MYO1H: variants seen among roughly 807,000 people sequenced by gnomAD.
MYO1H encodes unconventional myosin-Ih.
MYO1H carries 118 observed loss-of-function variants against 149.3 expected under a neutral mutation model. That is an observed-to-expected ratio of 0.79 (90% CI 0.68 to 0.92). MYO1H has a LOEUF of 0.92. Ranked by LOEUF, MYO1H falls within the 40% of genes least tolerant of loss-of-function variation. The pLI is 0.00. For synonymous variants in MYO1H, 447 were observed against 465.2 expected (o/e 0.96, Z 0.50); for missense variants, 1,212 against 1,280.7 (o/e 0.95, Z 0.82).
chr12:109,409,433 G>A (rs545713486), intron 10 of MYO1H, 124 bp from the exon 11 acceptor site: 28 of 836,146 alleles, frequency 3.3e-5, no homozygotes, highest in South Asian at 1.9e-4. Flanking sequence ...AAGATTTTCC[G>A]CATTGTTGGA....
intron 16 of MYO1H, among the ~76,000 whole-genome samples, chr12:109,422,285 A>G (rs1328482101): frequency 6.6e-6 from 1 of 152,100 alleles, no homozygotes. Flanking sequence ...TGCCTTCCCA[A>G]ACTTTCTCTG....
intron 14 of MYO1H, among the ~76,000 whole-genome samples, chr12:109,412,874 C>T (rs910814720): frequency 6.6e-6 from 1 of 152,136 alleles, no homozygotes; most frequent in African/African-American, 2.4e-5. Flanking sequence ...CAACCTCCGC[C>T]TCCTGGGTTT....
At chr12:109,367,284 C>T (rs1201767464) in intron 1 of MYO1H, among the ~76,000 whole-genome samples, 1 of 152,110 alleles carries the variant, frequency 6.6e-6, no homozygotes, top group East Asian at 1.9e-4. Flanking sequence ...AATAAGTTCT[C>T]CTTAGACCCT....
At chr12:109,395,268 G>A (rs1869840499) in intron 3 of MYO1H, among the ~76,000 whole-genome samples, 1 of 151,930 alleles carries the variant, frequency 6.6e-6, no homozygotes, top group African/African-American at 2.4e-5. Flanking sequence ...GGTTTTGAGG[G>A]AAAAAATACA....
intron 14 of MYO1H, among the ~76,000 whole-genome samples, chr12:109,413,867 G>A (rs61253379): frequency 0.067 from 10,216 of 151,750 alleles, 382 homozygotes; most frequent in South Asian, 0.11. Context: ...CCGAGATTGC[G>A]CCACTGCACT....
chr12:109,361,838 A>G (rs1291737572), intron 1 of MYO1H, among the ~76,000 whole-genome samples: 4 of 146,960 alleles, frequency 2.7e-5, no homozygotes, highest in East Asian at 4.2e-4. Flanking sequence ...AAAAAAAAAA[A>G]AAGAAGAACC....
chr12:109,427,909 A>AAAATATATATATATATAT (rs1555254298), intron 19 of MYO1H, among the ~76,000 whole-genome samples: 2 of 16,414 alleles, frequency 1.2e-4, no homozygotes, highest in Non-Finnish European at 2.0e-4. Flanking sequence ...AAAAAAAAAA[A>AAAATATATATATATATAT]ATATATATAT....
At chr12:109,326,795 A>G in the MYO1H span, among the ~76,000 whole-genome samples, 29 of 152,162 alleles carry the variant, frequency 1.9e-4, no homozygotes, top group East Asian at 5.2e-3. Flanking sequence ...CTGGGATTAC[A>G]GGCATGTGCC....
chr12:109,345,092 A>T (rs1423080882), upstream of MYO1H, among the ~76,000 whole-genome samples: 1 of 152,170 alleles, frequency 6.6e-6, no homozygotes, highest in East Asian at 1.9e-4. Context: ...AAGGTAAAAA[A>T]ATAGATAAAT....
At chr12:109,336,225 C>T in the MYO1H span, among the ~76,000 whole-genome samples, 1 of 152,154 alleles carries the variant, frequency 6.6e-6, no homozygotes, top group African/African-American at 2.4e-5. Flanking sequence ...TTCCCAAGCC[C>T]TAAGACTCTC....
intron 31 of MYO1H, chr12:109,445,896 G>A: frequency 1.0e-6 from 1 of 985,390 alleles, no homozygotes; most frequent in South Asian, 4.7e-5. Flanking sequence ...CTTTTCACTG[G>A]ATAAAGGCTT....
the MYO1H span, among the ~76,000 whole-genome samples, chr12:109,312,794 T>G: frequency 2.2e-5 from 2 of 92,360 alleles, no homozygotes; most frequent in Non-Finnish European, 5.8e-5. Context: ...TGTTTTGTTT[T>G]TTTTTTTTTT....
chr12:109,420,062 G>A (rs946894534), intron 15 of MYO1H, among the ~76,000 whole-genome samples: 4 of 152,114 alleles, frequency 2.6e-5, no homozygotes, highest in Non-Finnish European at 4.4e-5. Flanking sequence ...TTTCTCAGTC[G>A]TGGGGAATTT....
intron 31 of MYO1H, 170 bp from the exon 32 acceptor site, chr12:109,446,989 G>C (rs954031695): frequency 3.0e-6 from 2 of 675,098 alleles, no homozygotes; most frequent in Non-Finnish European, 5.4e-6. Context: ...AGGCTGACAG[G>C]CCTCGATGAG....
chr12:109,396,833 T>G lies in MYO1H; in HGVS notation c.489+251T>G, dbSNP rs1490429646. On this transcript the variant is annotated intron_variant, in intron 4 of 31. Transcript: ENST00000310903. ...GGTTTCGTTTTTTTTTTTTTTTTTTTTTTTTTTTTTTGAGACGGAGTCTCT... is the reference window on the plus strand; with the variant it reads ...GGTTTCGTTTTTTTTTTTTTTTTTTGTTTTTTTTTTTGAGACGGAGTCTCT... Among the ~76,000 whole-genome samples, 191 of 133,308 alleles carry G rather than the reference T, an allele frequency of 1.4e-3. 1 individual carries two copies. The highest frequency in any genetic ancestry group is 1.7e-3 in the Non-Finnish European group (105 of 61,944). The allele number at this position is 133,308 out of a possible 152,430, so 87.5% of individuals were successfully genotyped here.
the MYO1H span, among the ~76,000 whole-genome samples, chr12:109,313,066 T>C: frequency 6.6e-6 from 1 of 151,858 alleles, no homozygotes; most frequent in South Asian, 2.1e-4. Flanking sequence ...ATGGTGAGAC[T>C]TTGTCTCTAC....
At chr12:109,326,477 CTT>C in the MYO1H span, among the ~76,000 whole-genome samples, 4 of 145,946 alleles carry the variant, frequency 2.7e-5, no homozygotes, top group African/African-American at 1.0e-4. Flanking sequence ...TAGACTCTAC[CTT>C]TTTTTTATAT....
At chr12:109,367,590 C>T (rs1424837320) in intron 1 of MYO1H, among the ~76,000 whole-genome samples, 3 of 152,030 alleles carry the variant, frequency 2.0e-5, no homozygotes, top group Non-Finnish European at 2.9e-5. Flanking sequence ...CTTGCTCTGT[C>T]GTCCAGGCTG....
chr12:109,413,631 C>G (rs907960746), intron 14 of MYO1H, among the ~76,000 whole-genome samples: 2 of 152,226 alleles, frequency 1.3e-5, no homozygotes, highest in Admixed American at 6.5e-5. Flanking sequence ...ATACTGTGGC[C>G]GAGCGTGCTG....
Sources: gnomAD v4.1 joint callset for allele counts (sites outside exome capture counted in the v4.1 genomes callset) on GRCh38, gnomAD v4.1.1 for gene constraint, MANE v1.5 for transcripts, NCBI Gene and HGNC (gene_info 2026-07-23, HGNC 2026-07-21) for gene names.